Variants in ETAA1 observed in about 807,000 individuals in gnomAD.
ETAA1 encodes ETAA1 activator of ATR kinase.
Under a neutral mutation model 76.8 loss-of-function variants are expected in ETAA1, and 49 were observed. That is an observed-to-expected ratio of 0.64 (90% CI 0.51 to 0.81). The LOEUF (loss-of-function observed/expected upper bound fraction) is 0.81, where lower values mean the gene tolerates loss of function less well. Ranked by LOEUF, ETAA1 falls within the 30% of genes least tolerant of loss-of-function variation. The pLI, the probability that ETAA1 is intolerant of heterozygous loss-of-function variation, is 0.00. For synonymous variants in ETAA1, 373 were observed against 372.2 expected, an observed-to-expected ratio of 1.00 and a Z score of -0.03; for missense variants, 1,099 against 1,074.0, an observed-to-expected ratio of 1.02 and a Z score of -0.32.
Position 67,404,478 on chromosome 2 carries a change from C to T in ETAA1, c.1796C>T (p.Thr599Ile). The T allele has an allele frequency of 6.2e-7, 1 of 1,613,230 alleles. No homozygotes were observed. Among genetic ancestry groups the T allele is most frequent in the South Asian group, 1.1e-5 (1 of 91,056 alleles). The change falls in exon 5 of 6, where the codon ACC (threonine) becomes ATC (isoleucine). Residue 599 changes from threonine to isoleucine, a missense_variant. Transcript: ENST00000272342. ...AAAGCATGTCATCAATTAGATAATACCTGGGAAGCAGATGATGTAGATGAT... is the reference window on the plus strand; with the variant it reads ...AAAGCATGTCATCAATTAGATAATATCTGGGAAGCAGATGATGTAGATGAT... ...IIKACHQLDN[T>I]WEADDVDDDL... is the part of the protein sequence containing the mutation.
rs758318179 is a variant in ETAA1, at chr2:67,405,308, T to C, written c.2626T>C (p.Ser876Pro). The part of the protein sequence containing the change: ...AVGQQSLVKL[S>P]ESLKQSSKEE... ...TGGACAGCAATCTTTGGTGAAACTT[T>C]CTGAATCTTTGAAACAATCTTCAAA... The change falls in exon 5 of 6, where the codon TCT (serine) becomes CCT (proline). Residue 876 changes from serine (S) to proline (P), a missense_variant. Coordinates refer to ENST00000272342, the MANE Select transcript of ETAA1 (RefSeq NM_019002.4). 12 of 1,548,228 alleles carry C rather than the reference T, an allele frequency of 7.8e-6. No homozygotes were observed. The highest frequency in any genetic ancestry group is 1.0e-5 in the Non-Finnish European group (12 of 1,151,182).
Position 67,410,361 on chromosome 2 carries a change from C to A in ETAA1, c.*323C>A. On this transcript the variant is annotated 3_prime_UTR_variant, in exon 6 of 6. Transcript: ENST00000272342. ...AAAAAAGAGGTAATCTACGTTATTT[C>A]CTATTCTAATGTCTTTTCCTAATAA... 5.4e-6 allele frequency: 1 copy of A among 186,596 alleles called. No homozygotes were observed. Among genetic ancestry groups the A allele is most frequent in the Non-Finnish European group, 1.1e-5 (1 of 91,548 alleles). 11.6% of individuals were successfully genotyped at this position (186,596 alleles called of 1,614,324 possible). A position where few individuals can be genotyped will look rare whatever the true frequency, so the allele number is the denominator to read the frequency against.
chr2:67,411,576 A>G lies in ETAA1; in HGVS notation c.*1538A>G, dbSNP rs983704553. 3 of 152,010 alleles carry G rather than the reference A, an allele frequency of 2.0e-5. No individual in the cohort carries two copies. In the East Asian group the frequency reaches 5.8e-4, roughly 29 times the overall value. The allele number at this position is 152,010 out of a possible 1,614,324, so 9.4% of individuals were successfully genotyped here. A position where few individuals can be genotyped will look rare whatever the true frequency, so the allele number is the denominator to read the frequency against. ...CAGCATCGTGAGAATGTTGTACCACATATCTCTAGCCTGGGAAAGAATCAA... is the reference window on the plus strand; with the variant it reads ...CAGCATCGTGAGAATGTTGTACCACGTATCTCTAGCCTGGGAAAGAATCAA... On this transcript the variant is annotated 3_prime_UTR_variant, in exon 6 of 6. Coordinates refer to ENST00000272342, the MANE Select transcript of ETAA1 (RefSeq NM_019002.4).
rs753577247 is a variant in ETAA1, at chr2:67,403,174, G to A, written c.543-51G>A. ...CATCAAAATATGTTAAATAACAGTT[G>A]GATATAATGTTTCAGAACATTTTTA... is the stretch of plus-strand genomic sequence containing the variant. On this transcript the variant is annotated intron_variant, in intron 4 of 5. Coordinates refer to ENST00000272342, the MANE Select transcript of ETAA1 (RefSeq NM_019002.4). The A allele has an allele frequency of 3.1e-5, 39 of 1,273,452 alleles. 1 individual carries two copies. The highest frequency in any genetic ancestry group is 3.9e-4 in the Middle Eastern group (2 of 5,120). The allele number at this position is 1,273,452 out of a possible 1,614,324, so 78.9% of individuals were successfully genotyped here. A position where few individuals can be genotyped will look rare whatever the true frequency, so the allele number is the denominator to read the frequency against.
At chr2:67,398,400 A>G (rs964472692) in intron 1 of ETAA1, among the ~76,000 whole-genome samples, 6 of 149,782 alleles carry the variant, frequency 4.0e-5, no homozygotes, top group Non-Finnish European at 8.9e-5. Flanking sequence ...CAGTAGCACA[A>G]TCTCGGCTCA....
chr2:67,399,101 T>G (rs1675983714), intron 1 of ETAA1, 68 bp from the exon 2 acceptor site: 1 of 1,412,628 alleles, frequency 7.1e-7, no homozygotes, highest in South Asian at 1.4e-5. Flanking sequence ...TATTTGACCT[T>G]GGGGTCTTAC....
chr2:67,408,178 C>T (rs1676269392), intron 5 of ETAA1, among the ~76,000 whole-genome samples: 2 of 152,096 alleles, frequency 1.3e-5, no homozygotes, highest in Middle Eastern at 3.4e-3. Flanking sequence ...AGCTGCTCTC[C>T]AGGGAAGTAT....
intron 1 of ETAA1, among the ~76,000 whole-genome samples, chr2:67,398,001 C>G (rs1351817862): frequency 6.6e-6 from 1 of 152,198 alleles, no homozygotes; most frequent in Non-Finnish European, 1.5e-5. Flanking sequence ...AGCTGATAGG[C>G]CCGCTAACCT....
chr2:67,408,062 A>T (rs1428405725), intron 5 of ETAA1, among the ~76,000 whole-genome samples: 1 of 152,184 alleles, frequency 6.6e-6, no homozygotes, highest in Non-Finnish European at 1.5e-5. Context: ...AGCTTACCTT[A>T]TCAATATTTT....
At chr2:67,402,252 T>C (rs1049637289) in intron 3 of ETAA1, 6 of 152,058 alleles carry the variant, frequency 3.9e-5, no homozygotes, top group Non-Finnish European at 5.9e-5. Flanking sequence ...CTTTTCTGTT[T>C]TCTCTATTTT....
At chr2:67,401,442 G>T (rs931063306) in intron 3 of ETAA1, 2 of 151,818 alleles carry the variant, frequency 1.3e-5, no homozygotes, top group African/African-American at 4.8e-5. Flanking sequence ...ATACAATGTT[G>T]TTTATTTGAA....
Position 67,404,536 on chromosome 2 carries a change from A to G in ETAA1, c.1854A>G (p.Glu618=), listed in dbSNP as rs754505352. 9 of 1,613,350 alleles carry G rather than the reference A, an allele frequency of 5.6e-6. No individual in the cohort carries two copies. Among genetic ancestry groups the G allele is most frequent in the Non-Finnish European group, 6.8e-6 (8 of 1,179,584 alleles). The stretch of plus-strand genomic sequence containing the variant: ...TGTACCAAGCATGTGATGATATTGA[A>G]AGACTAACTCAGCAACAAGACATTA... The part of the protein sequence containing the change: ...DLLYQACDDI[E]RLTQQQDIRK... Residue 618 remains glutamate, a synonymous_variant, in exon 5 of 6, where the codon GAA becomes GAG. Coordinates refer to ENST00000272342, the MANE Select transcript of ETAA1 (RefSeq NM_019002.4).
chr2:67,405,152 A>G lies in ETAA1; in HGVS notation c.2470A>G (p.Thr824Ala), dbSNP rs763463738. The change falls in exon 5 of 6, where the codon ACA becomes GCA. Residue 824 changes from threonine (T) to alanine (A), a missense_variant. Thr to Ala is a moderately conservative substitution (Grantham distance 58). Transcript: ENST00000272342. ...AGTTGGATTTTCAAAGTTTACATTT[A>G]CAAGGATGAAAAATTCTCAGATTCT... The part of the protein sequence containing the change: ...TTVGFSKFTF[T>A]RMKNSQILSQ... 6.2e-7 allele frequency: 1 copy of G among 1,612,510 alleles called. No homozygotes were observed. The highest frequency in any genetic ancestry group is 8.5e-7 in the Non-Finnish European group (1 of 1,179,182).
At chr2:67,402,763 C>T in intron 3 of ETAA1, 99 bp from the exon 4 acceptor site, 1 of 703,060 alleles carries the variant, frequency 1.4e-6, no homozygotes, top group African/African-American at 1.9e-5. Flanking sequence ...AATTCAAAAT[C>T]ATTAGTTTTT....
chr2:67,408,610 A>G (rs1037202159), intron 5 of ETAA1, among the ~76,000 whole-genome samples: 8 of 152,132 alleles, frequency 5.3e-5, no homozygotes, highest in Non-Finnish European at 1.0e-4. Context: ...GTACTTTACA[A>G]TATTTTAAGA....
chr2:67,403,117 T>C, intron 4 of ETAA1, 108 bp from the exon 5 acceptor site: 1 of 1,124,600 alleles, frequency 8.9e-7, no homozygotes, highest in Non-Finnish European at 1.2e-6. Context: ...GGAGTTAAAA[T>C]AATTATAACT....
At chr2:67,400,711 G>C (rs781229681) in intron 3 of ETAA1, 1 of 151,982 alleles carries the variant, frequency 6.6e-6, no homozygotes, top group Non-Finnish European at 1.5e-5. Context: ...CTTAACCTGC[G>C]CTTGAATAGT....
At chr2:67,399,351 A>T in intron 2 of ETAA1, 54 bp downstream of exon 2, 1 of 1,491,114 alleles carries the variant, frequency 6.7e-7, no homozygotes, top group South Asian at 1.2e-5. Context: ...AATGATTCAG[A>T]TTTAACTAGA....
Position 67,397,353 on chromosome 2 carries a change from C to T in ETAA1, c.-96C>T. The T allele has an allele frequency of 7.6e-7, 1 of 1,310,906 alleles. No homozygotes were observed. Among genetic ancestry groups the T allele is most frequent in the Admixed American group, 2.0e-5 (1 of 50,386 alleles). The allele number at this position is 1,310,906 out of a possible 1,614,324, so 81.2% of individuals were successfully genotyped here. On this transcript the variant is annotated 5_prime_UTR_variant, in exon 1 of 6. Transcript: ENST00000272342. The stretch of plus-strand genomic sequence containing the variant: ...GCCCCACCGACCAAAATGGCGGCTG[C>T]CGTTGGTGCGGGGTGCGGTTTGTAG...
Sources: allele counts gnomAD v4.1 joint callset (sites outside exome capture counted in the v4.1 genomes callset), GRCh38; gene constraint gnomAD v4.1.1; transcripts MANE v1.5; gene names NCBI Gene and HGNC (gene_info 2026-07-23, HGNC 2026-07-21).